Variants in SNTB1 observed in about 807,000 individuals in gnomAD.
SNTB1 encodes beta-1-syntrophin.
Under a neutral mutation model 48.9 loss-of-function variants are expected in SNTB1, and 36 were observed. The observed-to-expected ratio is 0.74, with a 90% confidence interval of 0.56 to 0.97. The LOEUF (loss-of-function observed/expected upper bound fraction) is 0.97. SNTB1 is among the 50% of genes least tolerant of loss of function. The probability of loss-of-function intolerance (pLI) is 0.00; values close to 1 mark genes in which losing one functional copy is unlikely to be tolerated. For missense variants in SNTB1, 786 were observed against 703.4 expected (o/e 1.12, Z -1.33); for synonymous variants, 299 against 294.6 (o/e 1.01, Z -0.15).
chr8:120,672,907 T>C (rs1178588296), intron 2 of SNTB1, among the ~76,000 whole-genome samples: 1 of 152,140 alleles, frequency 6.6e-6, no homozygotes, highest in Non-Finnish European at 1.5e-5. Context: ...TAGGAGGCAC[T>C]GAAGGAGACT....
At chr8:120,594,819 A>G (rs145101950) in intron 3 of SNTB1, among the ~76,000 whole-genome samples, 160 of 152,238 alleles carry the variant, frequency 1.1e-3, no homozygotes, top group African/African-American at 3.7e-3. Flanking sequence ...AAAGAAGACA[A>G]GGGTAATGGG....
intron 1 of SNTB1, among the ~76,000 whole-genome samples, chr8:120,808,932 G>T (rs529297329): frequency 6.6e-6 from 1 of 152,006 alleles, no homozygotes; most frequent in Non-Finnish European, 1.5e-5. Context: ...CTATATAAAT[G>T]TACCTTTAAA....
intron 3 of SNTB1, among the ~76,000 whole-genome samples, chr8:120,601,955 G>C (rs549000390): frequency 1.3e-5 from 2 of 152,320 alleles, no homozygotes; most frequent in East Asian, 3.9e-4. Context: ...CAGAAACCTT[G>C]AGACTACTTT....
chr8:120,771,596 T>C (rs1439624141), intron 1 of SNTB1, among the ~76,000 whole-genome samples: 1 of 152,126 alleles, frequency 6.6e-6, no homozygotes, highest in Non-Finnish European at 1.5e-5. Flanking sequence ...GGTTTCTGTC[T>C]TCTCCCTAAT....
intron 3 of SNTB1, among the ~76,000 whole-genome samples, chr8:120,587,606 A>G (rs1424428700): frequency 6.6e-6 from 1 of 152,360 alleles, no homozygotes; most frequent in East Asian, 1.9e-4. Flanking sequence ...AGTCACACCT[A>G]GTCAACTGTG....
At chr8:120,654,191 C>G (rs1817460411) in intron 2 of SNTB1, among the ~76,000 whole-genome samples, 1 of 151,774 alleles carries the variant, frequency 6.6e-6, no homozygotes, top group Non-Finnish European at 1.5e-5. Flanking sequence ...CAGGGTAGGT[C>G]TCCACTCTGT....
intron 3 of SNTB1, among the ~76,000 whole-genome samples, chr8:120,618,590 A>G (rs1816750149): frequency 6.6e-6 from 1 of 152,236 alleles, no homozygotes; most frequent in Non-Finnish European, 1.5e-5. Context: ...TATCAAATGG[A>G]TAAGAAAATG....
At chr8:120,769,172 G>A (rs1819577419) in intron 1 of SNTB1, 1 of 152,242 alleles carries the variant, frequency 6.6e-6, no homozygotes, top group Admixed American at 6.5e-5. Flanking sequence ...GGTAGAACAA[G>A]CCCCCATTTC....
At chr8:120,575,014 T>C in intron 4 of SNTB1, 72 bp downstream of exon 4, 1 of 1,588,392 alleles carries the variant, frequency 6.3e-7, no homozygotes. Context: ...ATATAACGTA[T>C]TGAGCTAATT....
intron 1 of SNTB1, among the ~76,000 whole-genome samples, chr8:120,701,849 G>A (rs1339609853): frequency 6.6e-6 from 1 of 152,224 alleles, no homozygotes; most frequent in East Asian, 1.9e-4. Context: ...AAAATGTGGA[G>A]TTGAGAGTAA....
chr8:120,651,417 A>G (rs1457288936), intron 2 of SNTB1, among the ~76,000 whole-genome samples: 1 of 152,224 alleles, frequency 6.6e-6, no homozygotes, highest in East Asian at 1.9e-4. Context: ...AAAAAGAGCT[A>G]TATGAGGTTC....
intron 1 of SNTB1, among the ~76,000 whole-genome samples, chr8:120,706,622 C>T (rs1457273092): frequency 6.6e-6 from 1 of 152,104 alleles, no homozygotes; most frequent in Non-Finnish European, 1.5e-5. Flanking sequence ...AAGTGAGTAA[C>T]AGGCAGAAAG....
At chr8:120,684,539 G>A (rs1817994444) in intron 2 of SNTB1, among the ~76,000 whole-genome samples, 1 of 152,018 alleles carries the variant, frequency 6.6e-6, no homozygotes, top group South Asian at 2.1e-4. Flanking sequence ...GACAAGTTAT[G>A]CATTTCAAAA....
intron 1 of SNTB1, among the ~76,000 whole-genome samples, chr8:120,696,948 T>G (rs1818221291): frequency 6.6e-6 from 1 of 151,922 alleles, no homozygotes; most frequent in Non-Finnish European, 1.5e-5. Flanking sequence ...AGTGAGAGAG[T>G]GGCAGAATCA....
chr8:120,753,975 C>T (rs1042083501), intron 1 of SNTB1, among the ~76,000 whole-genome samples: 1 of 152,188 alleles, frequency 6.6e-6, no homozygotes, highest in Non-Finnish European at 1.5e-5. Flanking sequence ...TCTAATTTGT[C>T]TCATCAATCT....
chr8:120,619,332 A>G (rs1056405507), intron 3 of SNTB1, among the ~76,000 whole-genome samples: 9 of 149,308 alleles, frequency 6.0e-5, no homozygotes, highest in Admixed American at 1.3e-4. Context: ...GAGAGAGAGA[A>G]AGAGACAGAG....
chr8:120,658,510 T>G (rs1817533950), intron 2 of SNTB1, among the ~76,000 whole-genome samples: 1 of 152,172 alleles, frequency 6.6e-6, no homozygotes, highest in South Asian at 2.1e-4. Flanking sequence ...AATATCACAA[T>G]AAAATGAGTC....
intron 2 of SNTB1, among the ~76,000 whole-genome samples, chr8:120,690,706 G>A (rs764361144): frequency 3.3e-5 from 5 of 152,204 alleles, no homozygotes; most frequent in Non-Finnish European, 5.9e-5. Context: ...TCTGTTAGAT[G>A]TGTCTCTTGC....
chr8:120,794,558 G>T (rs1437020224), intron 1 of SNTB1, among the ~76,000 whole-genome samples: 1 of 148,532 alleles, frequency 6.7e-6, no homozygotes, highest in African/African-American at 2.6e-5. Context: ...ATAAAGAGGG[G>T]CTGTTATTAA....
Sources: allele counts gnomAD v4.1 joint callset (sites outside exome capture counted in the v4.1 genomes callset), GRCh38; gene constraint gnomAD v4.1.1; transcripts MANE v1.5; gene names NCBI Gene and HGNC (gene_info 2026-07-23, HGNC 2026-07-21).